Variants in NBAS observed in about 807,000 individuals in gnomAD.
NBAS encodes the protein NAG/BC035112 fusion.
NBAS carries 219 observed loss-of-function variants against 302.5 expected under a neutral mutation model. That is an observed-to-expected ratio of 0.72 (90% CI 0.65 to 0.81). The LOEUF (loss-of-function observed/expected upper bound fraction) is 0.81. Among genes scored for constraint, NBAS ranks in the 30% least tolerant of loss-of-function variants. NBAS has a pLI of 0.00. For synonymous variants in NBAS, 1,118 were observed against 1,021.6 expected (o/e 1.09, Z -1.80); for missense variants, 2,932 against 2,841.6 (o/e 1.03, Z -0.72).
At chr2:15,299,807 T>TA (rs1670714441) in intron 40 of NBAS, among the ~76,000 whole-genome samples, 1 of 152,216 alleles carries the variant, frequency 6.6e-6, no homozygotes. Context: ...TACATCTGTC[T>TA]AAAAAATAGT....
intron 51 of NBAS, among the ~76,000 whole-genome samples, chr2:15,175,351 C>A (rs1239449842): frequency 6.6e-6 from 1 of 152,124 alleles, no homozygotes; most frequent in Non-Finnish European, 1.5e-5. Context: ...TGCATAGAGG[C>A]ATTGAGCAGT....
intron 31 of NBAS, among the ~76,000 whole-genome samples, chr2:15,366,973 T>G (rs533146322): frequency 7.9e-5 from 12 of 152,322 alleles, no homozygotes; most frequent in African/African-American, 2.9e-4. Flanking sequence ...CACTGTTTTA[T>G]GTACCATGTC....
chr2:15,355,550 T>C (rs1673572741), intron 33 of NBAS, among the ~76,000 whole-genome samples: 1 of 152,188 alleles, frequency 6.6e-6, no homozygotes, highest in African/African-American at 2.4e-5. Context: ...AAACCTCATG[T>C]TGAAATGTAA....
chr2:15,374,737 A>G lies in NBAS; in HGVS notation c.3591-17T>C. 1 of 1,598,732 alleles carries G rather than the reference A, an allele frequency of 6.3e-7. No homozygotes were observed. Among genetic ancestry groups the G allele is most frequent in the South Asian group, 1.1e-5 (1 of 90,774 alleles). ...AAGCAGCACCTAGAAGAAATTAGAT[A>G]AATTTTTAAAAAGAAGCAACATATG... On this transcript the variant is annotated splice_polypyrimidine_tract_variant and intron_variant, in intron 30 of 51. Coordinates refer to ENST00000281513, the MANE Select transcript of NBAS (RefSeq NM_015909.4).
chr2:15,362,190 T>C (rs76791507), intron 32 of NBAS, among the ~76,000 whole-genome samples: 4,177 of 147,462 alleles, frequency 0.028, 156 homozygotes, highest in African/African-American at 0.087. Flanking sequence ...TCTGAGAAGA[T>C]TCTAGGGCCA....
chr2:14,853,997 C>T, the NBAS span, among the ~76,000 whole-genome samples: 1 of 143,812 alleles, frequency 7.0e-6, no homozygotes, highest in African/African-American at 2.6e-5. Context: ...GGGTGCAGCG[C>T]ACCAGCATGG....
chr2:14,869,434 G>A, the NBAS span, among the ~76,000 whole-genome samples: 1 of 152,134 alleles, frequency 6.6e-6, no homozygotes, highest in Non-Finnish European at 1.5e-5. Context: ...CGTGGTACCG[G>A]ATTAAACATG....
chr2:15,303,411 A>G (rs1670894711), intron 40 of NBAS, among the ~76,000 whole-genome samples: 1 of 152,190 alleles, frequency 6.6e-6, no homozygotes. Flanking sequence ...TACACAAAAT[A>G]TAAGACCTGG....
At chr2:14,870,546 T>C in the NBAS span, among the ~76,000 whole-genome samples, 1 of 151,946 alleles carries the variant, frequency 6.6e-6, no homozygotes, top group Non-Finnish European at 1.5e-5. Flanking sequence ...TAGCCCAGAA[T>C]AAAGGTGGCT....
the NBAS span, among the ~76,000 whole-genome samples, chr2:14,939,579 T>C: frequency 3.3e-5 from 5 of 152,218 alleles, no homozygotes; most frequent in Non-Finnish European, 7.3e-5. Flanking sequence ...CTGGGAGTTA[T>C]AATAAAGGGA....
intron 47 of NBAS, among the ~76,000 whole-genome samples, chr2:15,229,301 A>G (rs1667275266): frequency 7.1e-6 from 1 of 140,024 alleles, no homozygotes; most frequent in East Asian, 2.2e-4. Context: ...AGATCCCATC[A>G]CTGCATTCTG....
the NBAS span, among the ~76,000 whole-genome samples, chr2:15,031,169 A>G: frequency 6.6e-6 from 1 of 152,358 alleles, no homozygotes; most frequent in African/African-American, 2.4e-5. Flanking sequence ...TCTCATGGTC[A>G]TGAAGCAATT....
chr2:15,297,881 T>C (rs898686917), intron 40 of NBAS, among the ~76,000 whole-genome samples: 3 of 152,198 alleles, frequency 2.0e-5, no homozygotes, highest in African/African-American at 7.2e-5. Context: ...TGTGTCTGTG[T>C]GTGTGTGTAA....
At chr2:14,829,798 C>G in the NBAS span, among the ~76,000 whole-genome samples, 3 of 152,230 alleles carry the variant, frequency 2.0e-5, no homozygotes, top group African/African-American at 7.2e-5. Flanking sequence ...GAGTAAACAT[C>G]TTGACATACC....
chr2:14,930,695 G>A, the NBAS span, among the ~76,000 whole-genome samples: 4 of 152,188 alleles, frequency 2.6e-5, no homozygotes, highest in Non-Finnish European at 4.4e-5. Flanking sequence ...CTATGTTATC[G>A]GCATAGGACA....
intron 30 of NBAS, among the ~76,000 whole-genome samples, chr2:15,375,110 C>T (rs1674673113): frequency 6.6e-6 from 1 of 152,134 alleles, no homozygotes; most frequent in Admixed American, 6.5e-5. Context: ...AGTTTCCCTT[C>T]TACGAAAAAC....
intron 10 of NBAS, among the ~76,000 whole-genome samples, chr2:15,508,779 G>A (rs910373725): frequency 9.9e-5 from 15 of 152,086 alleles, no homozygotes; most frequent in African/African-American, 2.2e-4. Flanking sequence ...CAAGGCGAGC[G>A]GATCACCTAA....
intron 44 of NBAS, among the ~76,000 whole-genome samples, chr2:15,238,893 A>T (rs1298467390): frequency 1.3e-5 from 2 of 152,296 alleles, no homozygotes; most frequent in East Asian, 1.9e-4. Context: ...TAAGATTTTT[A>T]AAAATGTTAA....
chr2:14,963,332 G>A, the NBAS span, among the ~76,000 whole-genome samples: 21 of 152,230 alleles, frequency 1.4e-4, no homozygotes, highest in Non-Finnish European at 2.5e-4. Context: ...ACACTCAATC[G>A]TTTAAATATT....
Sources: allele counts gnomAD v4.1 joint callset (sites outside exome capture counted in the v4.1 genomes callset), GRCh38; gene constraint gnomAD v4.1.1; transcripts MANE v1.5; gene names NCBI Gene and HGNC (gene_info 2026-07-23, HGNC 2026-07-21).